Variants in ADAMTSL1 observed in about 807,000 individuals in gnomAD.
ADAMTSL1 encodes the protein ADAMTS-like protein 1.
A neutral mutation model predicts 201.8 loss-of-function variants in ADAMTSL1; 126 were observed. The observed-to-expected ratio is 0.62, with a 90% CI of 0.54 to 0.72. ADAMTSL1 has a LOEUF of 0.72. ADAMTSL1 is among the 30% of genes least tolerant of loss of function. The pLI, the probability that ADAMTSL1 is intolerant of heterozygous loss-of-function variation, is 0.00. For missense variants in ADAMTSL1, 2,679 were observed against 2,277.8 expected (o/e 1.18, Z -3.59); for synonymous variants, 1,121 against 903.4 (o/e 1.24, Z -4.32).
chr9:18,293,542 C>T (rs1452446820), intron 2 of ADAMTSL1, among the ~76,000 whole-genome samples: 7 of 152,130 alleles, frequency 4.6e-5, no homozygotes, highest in East Asian at 3.9e-4. Context: ...CGGAGAATAC[C>T]GAAAGGTATG....
Position 18,020,610 on chromosome 9 carries a change from G to A in ADAMTSL1, c.87+113688G>A, listed in dbSNP as rs189969384. ...CTCACTATCAACAGAACAGCAGGGC[G>A]GAGACCACCCCCATGATCCAGTTGC... is the stretch of plus-strand genomic sequence containing the variant. On this transcript the variant is annotated intron_variant, in intron 1 of 29. Transcript: ENST00000680146. 8.9e-4 allele frequency among the ~76,000 whole-genome samples: 135 copies of A among 152,138 alleles called. 2 individuals are homozygous for A. Among genetic ancestry groups the A allele is most frequent in the African/African-American group, 2.0e-3 (85 of 41,528 alleles).
At chr9:18,152,757 T>C (rs1193799067) in intron 1 of ADAMTSL1, among the ~76,000 whole-genome samples, 1 of 151,602 alleles carries the variant, frequency 6.6e-6, no homozygotes, top group African/African-American at 2.4e-5. Context: ...GAAGTCAGAA[T>C]GTAAAGAGCA....
At chr9:18,557,832 T>G (rs1564045373) in intron 3 of ADAMTSL1, among the ~76,000 whole-genome samples, 1 of 152,062 alleles carries the variant, frequency 6.6e-6, no homozygotes, top group Non-Finnish European at 1.5e-5. Flanking sequence ...AATCTCACCC[T>G]TTCTCACTTG....
chr9:18,480,028 T>A (rs1165801198), intron 1 of ADAMTSL1, among the ~76,000 whole-genome samples: 1 of 152,236 alleles, frequency 6.6e-6, no homozygotes, highest in Non-Finnish European at 1.5e-5. Flanking sequence ...TTAGAATGAA[T>A]CATTTTGGAT....
chr9:18,890,443 G>T, intron 25 of ADAMTSL1: 3 of 452,148 alleles, frequency 6.6e-6, no homozygotes, highest in South Asian at 4.7e-5. Context: ...AGTTGGCACT[G>T]GTGCAGTGCT....
chr9:18,585,785 C>T (rs376633791), intron 4 of ADAMTSL1, among the ~76,000 whole-genome samples: 14 of 152,138 alleles, frequency 9.2e-5, no homozygotes, highest in African/African-American at 3.1e-4. Context: ...CCCAGAGATG[C>T]AAGGTTGATT....
At chr9:18,052,156 G>A (rs1821968112) in intron 1 of ADAMTSL1, among the ~76,000 whole-genome samples, 1 of 152,192 alleles carries the variant, frequency 6.6e-6, no homozygotes, top group African/African-American at 2.4e-5. Context: ...ATCAGTCAAT[G>A]AGTCAGTCAA....
At chr9:18,273,749 A>G (rs1334621189) in intron 2 of ADAMTSL1, among the ~76,000 whole-genome samples, 2 of 152,204 alleles carry the variant, frequency 1.3e-5, no homozygotes, top group Non-Finnish European at 2.9e-5. Context: ...AACTTCATCC[A>G]GTTCCTTGGT....
chr9:18,587,219 T>C (rs549426397), intron 4 of ADAMTSL1, among the ~76,000 whole-genome samples: 1 of 152,218 alleles, frequency 6.6e-6, no homozygotes, highest in East Asian at 1.9e-4. Flanking sequence ...ACGTCTATTA[T>C]CCAGCATGTA....
intron 2 of ADAMTSL1, among the ~76,000 whole-genome samples, chr9:18,272,886 G>C (rs981234402): frequency 6.6e-6 from 1 of 152,090 alleles, no homozygotes; most frequent in African/African-American, 2.4e-5. Context: ...ACCAACCTTT[G>C]TTTTGCCTTA....
intron 1 of ADAMTSL1, among the ~76,000 whole-genome samples, chr9:18,494,119 G>C (rs1822402638): frequency 6.6e-6 from 1 of 152,164 alleles, no homozygotes. Context: ...CACTTTGGGA[G>C]GCAGAAACGG....
At chr9:18,433,102 G>T (rs144361669) in intron 2 of ADAMTSL1, among the ~76,000 whole-genome samples, 1 of 151,966 alleles carries the variant, frequency 6.6e-6, no homozygotes, top group African/African-American at 2.4e-5. Flanking sequence ...TAAAAAGAAT[G>T]GGGAAGTATA....
chr9:18,079,455 G>T lies in ADAMTSL1; in HGVS notation c.88-84407G>T, dbSNP rs144865023. Among the ~76,000 whole-genome samples the T allele has an allele frequency of 3.8e-3, 579 of 152,104 alleles. 5 individuals carry two copies. Among genetic ancestry groups the T allele is most frequent in the African/African-American group, 0.013 (539 of 41,498 alleles). ...GCACTTTGGGAGGCCGAGGTGGGCG[G>T]ATCACGAGGTCAGGAGACAGATTGA... is the stretch of plus-strand genomic sequence containing the variant. On this transcript the variant is annotated intron_variant, in intron 1 of 29. Transcript: ENST00000680146.
chr9:18,188,205 T>C (rs1298862047), intron 2 of ADAMTSL1, among the ~76,000 whole-genome samples: 2 of 152,098 alleles, frequency 1.3e-5, no homozygotes, highest in Non-Finnish European at 2.9e-5. Context: ...ACACATACAT[T>C]CATGTAAAAT....
chr9:18,402,609 T>G (rs905896635), intron 2 of ADAMTSL1, among the ~76,000 whole-genome samples: 1 of 152,212 alleles, frequency 6.6e-6, no homozygotes, highest in African/African-American at 2.4e-5. Flanking sequence ...CTTTCAGTCC[T>G]TTCTTGCCCT....
chr9:18,056,566 G>A (rs1037735408), intron 1 of ADAMTSL1, among the ~76,000 whole-genome samples: 15 of 152,096 alleles, frequency 9.9e-5, no homozygotes, highest in African/African-American at 3.4e-4. Context: ...TGTTGGCGAG[G>A]TATATTTCTG....
chr9:18,337,554 A>T (rs1835294005), intron 2 of ADAMTSL1, among the ~76,000 whole-genome samples: 2 of 152,202 alleles, frequency 1.3e-5, no homozygotes, highest in African/African-American at 4.8e-5. Flanking sequence ...GAGGAAACTG[A>T]GACACAGTGA....
At chr9:18,547,429 A>T (rs971400190) in intron 3 of ADAMTSL1, among the ~76,000 whole-genome samples, 2 of 151,930 alleles carry the variant, frequency 1.3e-5, no homozygotes, top group Non-Finnish European at 2.9e-5. Flanking sequence ...TGGAAAATAA[A>T]TGCAAGATGG....
intron 1 of ADAMTSL1, among the ~76,000 whole-genome samples, chr9:18,131,243 G>A (rs966257993): frequency 1.3e-5 from 2 of 152,058 alleles, no homozygotes; most frequent in African/African-American, 4.8e-5. Flanking sequence ...TTAACTTTTT[G>A]TGCCACATTT....
Sources: gnomAD v4.1 joint callset for allele counts (sites outside exome capture counted in the v4.1 genomes callset) on GRCh38, gnomAD v4.1.1 for gene constraint, MANE v1.5 for transcripts, NCBI Gene and HGNC (gene_info 2026-07-23, HGNC 2026-07-21) for gene names.